The following SAP130 variants were observed in gnomAD, a reference collection of about 807,000 sequenced individuals.
SAP130 encodes the protein Sin3A associated protein 130.
SAP130 carries 16 observed loss-of-function variants against 103.2 expected under a neutral mutation model. That is an observed-to-expected ratio of 0.16 (90% CI 0.10 to 0.24). The LOEUF is 0.24. SAP130 is among the 10% of genes least tolerant of loss of function. The probability of loss-of-function intolerance (pLI) is 1.00; values close to 1 mark genes in which losing one functional copy is unlikely to be tolerated. For missense variants in SAP130, 990 were observed against 1,359.7 expected, an observed-to-expected ratio of 0.73 and a Z score of 4.28; for synonymous variants, 477 against 497.0, an observed-to-expected ratio of 0.96 and a Z score of 0.53.
intron 7 of SAP130, among the ~76,000 whole-genome samples, chr2:128,002,239 A>G (rs971567336): frequency 1.8e-4 from 27 of 152,222 alleles, no homozygotes; most frequent in Non-Finnish European, 3.7e-4. Flanking sequence ...TTAACATAAG[A>G]TTTAAAATAA....
At chr2:127,970,948 T>C (rs982627324) in intron 15 of SAP130, among the ~76,000 whole-genome samples, 1 of 151,890 alleles carries the variant, frequency 6.6e-6, no homozygotes, top group Non-Finnish European at 1.5e-5. Context: ...TTTTCTTTTA[T>C]CTTTCTCTCT....
chr2:127,942,203 G>A lies in SAP130; in HGVS notation c.3016-39C>T, dbSNP rs755430289. 6.4e-7 allele frequency: 1 copy of A among 1,552,582 alleles called. No individual in the cohort carries two copies. The highest frequency in any genetic ancestry group is 2.2e-5 in the East Asian group (1 of 44,508). On this transcript the variant is annotated intron_variant, in intron 20 of 20. Coordinates refer to ENST00000643581, the MANE Select transcript of SAP130 (RefSeq NM_001330301.2). This position sits in a 1 kb window ranked among gnomAD's most constrained non-coding sequence, Gnocchi z 4.8. ...CATTGCATCATCAATCAGTGACCATGAGGATAGTACAGCTTTTAAAAAACT... is the reference window on the plus strand; with the variant it reads ...CATTGCATCATCAATCAGTGACCATAAGGATAGTACAGCTTTTAAAAAACT...
At chr2:127,972,408 C>T (rs1681153854) in intron 15 of SAP130, among the ~76,000 whole-genome samples, 2 of 152,302 alleles carry the variant, frequency 1.3e-5, no homozygotes, top group South Asian at 2.1e-4. Context: ...GCCAGGAGTT[C>T]AAGACCAGCC....
intron 2 of SAP130, among the ~76,000 whole-genome samples, chr2:128,021,321 C>A (rs1354313380): frequency 6.6e-6 from 1 of 151,938 alleles, no homozygotes; most frequent in Non-Finnish European, 1.5e-5. Context: ...GTGGCGGGCG[C>A]CTATAGTCCC....
chr2:127,961,029 G>A (rs565239539), intron 15 of SAP130, among the ~76,000 whole-genome samples: 50 of 140,822 alleles, frequency 3.6e-4, no homozygotes, highest in African/African-American at 1.2e-3. Context: ...TCTGGCTGTC[G>A]CCCAGACTGG....
chr2:127,991,603 G>GT (rs1559075550), intron 12 of SAP130, among the ~76,000 whole-genome samples: 2 of 151,992 alleles, frequency 1.3e-5, no homozygotes, highest in African/African-American at 4.8e-5. Context: ...AAGTGCTAGG[G>GT]TTATAGGCAT....
At chr2:127,956,447 G>A (rs531874385) in intron 15 of SAP130, among the ~76,000 whole-genome samples, 5 of 151,978 alleles carry the variant, frequency 3.3e-5, no homozygotes, top group Admixed American at 1.3e-4. Context: ...TGCATTTGGC[G>A]TTGAAAGTTG....
intron 15 of SAP130, among the ~76,000 whole-genome samples, chr2:127,965,410 G>A (rs989256237): frequency 1.3e-5 from 2 of 152,218 alleles, no homozygotes; most frequent in Non-Finnish European, 2.9e-5. Flanking sequence ...AGGCTGCAGT[G>A]AGCCAAGCCA....
chr2:128,020,314 A>G (rs1439137196), intron 2 of SAP130, among the ~76,000 whole-genome samples: 1 of 152,194 alleles, frequency 6.6e-6, no homozygotes, highest in Non-Finnish European at 1.5e-5. Context: ...GTTTGGCCCT[A>G]TTCTAGCCAC....
At chr2:128,001,685 A>G (rs184266588) in intron 7 of SAP130, among the ~76,000 whole-genome samples, 1 of 152,342 alleles carries the variant, frequency 6.6e-6, no homozygotes, top group East Asian at 1.9e-4. Flanking sequence ...AACTAGGAGC[A>G]ATAGTTATAG....
intron 14 of SAP130, among the ~76,000 whole-genome samples, chr2:127,978,927 C>T (rs370256005): frequency 6.6e-5 from 10 of 152,190 alleles, no homozygotes; most frequent in Admixed American, 4.6e-4. Context: ...AATTACTCTA[C>T]GGGTGCAGTC....
chr2:127,944,215 T>C (rs980957226), intron 19 of SAP130, among the ~76,000 whole-genome samples: 2 of 152,052 alleles, frequency 1.3e-5, no homozygotes, highest in Non-Finnish European at 2.9e-5. Context: ...ACACTTTTTT[T>C]TGTAGAGACA....
chr2:127,995,452 T>A (rs1683109619), intron 11 of SAP130, among the ~76,000 whole-genome samples: 1 of 152,152 alleles, frequency 6.6e-6, no homozygotes, highest in Non-Finnish European at 1.5e-5. Context: ...TGGATTCTAA[T>A]AATGAATAAA....
At chr2:128,019,611 C>T (rs550757617) in intron 2 of SAP130, among the ~76,000 whole-genome samples, 97 of 150,006 alleles carry the variant, frequency 6.5e-4, no homozygotes, top group Admixed American at 1.4e-3. Flanking sequence ...GGAGGCCGGG[C>T]GTGGTGGTTC....
At chr2:127,984,206 T>C (rs2104972101) in intron 14 of SAP130, among the ~76,000 whole-genome samples, 1 of 152,342 alleles carries the variant, frequency 6.6e-6, no homozygotes, top group Middle Eastern at 3.4e-3. Flanking sequence ...GGTTCTTTTC[T>C]CCTCTGAATG....
In SAP130 at chr2:127,942,312, CG is replaced by C; in HGVS notation, c.3015+111del. ...TTTCTCAGGAGTGCAGGCTGAAGCA[CG>C]TATGTTTTTACTGAAGATATGAGGG... On this transcript the variant is annotated intron_variant, in intron 20 of 20. Transcript: ENST00000643581. This position sits in a 1 kb window ranked among gnomAD's most constrained non-coding sequence, Gnocchi z 4.8. 9.2e-7 allele frequency: 1 copy of C among 1,082,692 alleles called. No individual in the cohort carries two copies. The highest frequency in any genetic ancestry group is 1.4e-5 in the South Asian group (1 of 70,480). The allele number at this position is 1,082,692 out of a possible 1,614,324, so 67.1% of individuals were successfully genotyped here.
In SAP130 at chr2:127,955,370, T is replaced by C. The variant is rs1021705012; in HGVS notation, c.2064-26A>G. ...CTAAAACACAAAAGAAAAGCACATGTAGCAAATAAGAAAAAAACTGCCTTC... is the reference window on the plus strand; with the variant it reads ...CTAAAACACAAAAGAAAAGCACATGCAGCAAATAAGAAAAAAACTGCCTTC... On this transcript the variant is annotated intron_variant, in intron 15 of 20. Transcript: ENST00000643581. This position sits in a 1 kb window ranked among gnomAD's most constrained non-coding sequence, Gnocchi z 4.9. 1.5e-5 allele frequency: 23 copies of C among 1,496,900 alleles called. No homozygotes were observed. Among genetic ancestry groups the C allele is most frequent in the Non-Finnish European group, 1.9e-5 (21 of 1,112,142 alleles). The allele number at this position is 1,496,900 out of a possible 1,614,324, so 92.7% of individuals were successfully genotyped here. A position where few individuals can be genotyped will look rare whatever the true frequency, so the allele number is the denominator to read the frequency against.
chr2:127,983,849 A>AT (rs1682166351), intron 14 of SAP130, among the ~76,000 whole-genome samples: 1 of 132,498 alleles, frequency 7.5e-6, no homozygotes, highest in Non-Finnish European at 1.6e-5. Context: ...TTTTTTTTAA[A>AT]CATTTATCTA....
rs1041947586 is a variant in SAP130 at position 127,999,742 on chromosome 2, G to A, written c.1212C>T (p.Val404=). The A allele has an allele frequency of 6.0e-6, 9 of 1,502,494 alleles. No individual in the cohort carries two copies. The highest frequency in any genetic ancestry group is 2.3e-5 in the East Asian group (1 of 43,864). The allele number at this position is 1,502,494 out of a possible 1,614,324, so 93.1% of individuals were successfully genotyped here. The stretch of plus-strand genomic sequence containing the variant: ...GTCCGAAGGCAGCAGGCCACTTACC[G>A]ACTGGGATGTTTGAGGTGGTCACAG... ...ATAVTTSNIP[V]AKVVPQQITH... Residue 404 remains valine (V), a splice_region_variant and synonymous_variant, in exon 10 of 21, where the codon GTC becomes GTT. Coordinates refer to ENST00000643581, the MANE Select transcript of SAP130 (RefSeq NM_001330301.2).
Sources: gnomAD v4.1 joint callset for allele counts (sites outside exome capture counted in the v4.1 genomes callset) on GRCh38, gnomAD v4.1.1 for gene constraint, Gnocchi (gnomAD v3.1) non-coding constraint, MANE v1.5 for transcripts, NCBI Gene and HGNC (gene_info 2026-07-23, HGNC 2026-07-21) for gene names.